Variants in SMIM40 observed in about 807,000 individuals in gnomAD.
The protein encoded by SMIM40 is small integral membrane protein 40.
intron 1 of SMIM40, among the ~76,000 whole-genome samples, chr6:33,328,467 G>C (rs1214838137): frequency 6.6e-6 from 1 of 151,932 alleles, no homozygotes; most frequent in Non-Finnish European, 1.5e-5. Flanking sequence ...TGGGATTACA[G>C]GCATGAGCCA....
chr6:33,324,005 G>A lies in SMIM40; in HGVS notation c.*65C>T, dbSNP rs889800926. On this transcript the variant is annotated 3_prime_UTR_variant, in exon 2 of 3. Transcript: ENST00000494082. ...TTTAGGGAGGCTGGAGGGACTCGTG[G>A]AGGCAAGGCTGGGTCCAGAGGTGAG... 6.6e-6 allele frequency: 1 copy of A among 152,300 alleles called. No individual in the cohort carries two copies. Among genetic ancestry groups the A allele is most frequent in the African/African-American group, 2.4e-5 (1 of 41,460 alleles). The allele number at this position is 152,300 out of a possible 1,614,324, so 9.4% of individuals were successfully genotyped here.
chr6:33,324,147 T>A (rs1770980946), intron 1 of SMIM40, 117 bp from the exon 2 acceptor site: 1 of 152,182 alleles, frequency 6.6e-6, no homozygotes, highest in African/African-American at 2.4e-5. Context: ...TCCCTAACGC[T>A]GAGTCCTAGA....
At chr6:33,328,909 AGAC>A in intron 1 of SMIM40, 75 bp downstream of exon 1, 1 of 375,660 alleles carries the variant, frequency 2.7e-6, no homozygotes, top group Non-Finnish European at 4.7e-6. Flanking sequence ...AAAAAAAAAA[AGAC>A]TGCTGCCCTA....
At position 33,325,739 on chromosome 6, in the gene SMIM40, A is replaced by T. The variant is rs906292051; in HGVS notation, c.*40-1709T>A. ...GGGCGTGGTGGTGGGCGCCTTGTAG[A>T]CCCAGCTACTCCGGAGGCTGAGGCA... On this transcript the variant is annotated intron_variant, in intron 1 of 2. Transcript: ENST00000494082. Among the ~76,000 whole-genome samples the T allele has an allele frequency of 6.9e-5, 10 of 145,450 alleles. No homozygotes were observed. The East Asian group carries it at 1.8e-3, about 26-fold the overall frequency.
intron 1 of SMIM40, among the ~76,000 whole-genome samples, 187 bp from the exon 2 acceptor site, chr6:33,324,217 A>G (rs1308296295): frequency 6.6e-6 from 1 of 152,160 alleles, no homozygotes; most frequent in African/African-American, 2.4e-5. Flanking sequence ...GTCAAAGTCT[A>G]CAGCTTTCAA....
At chr6:33,325,464 G>T (rs911987776) in intron 1 of SMIM40, among the ~76,000 whole-genome samples, 3 of 148,950 alleles carry the variant, frequency 2.0e-5, no homozygotes, top group Non-Finnish European at 4.4e-5. Context: ...CCACCTCAGC[G>T]TCTCAAAGTG....
At chr6:33,327,861 C>CAAA (rs375476107) in intron 1 of SMIM40, among the ~76,000 whole-genome samples, 24,921 of 70,054 alleles carry the variant, frequency 0.36, 4,097 homozygotes, top group African/African-American at 0.4. Flanking sequence ...GACTCTGTCA[C>CAAA]AAAAAAAAAA....
rs1771048352 is a variant in SMIM40 at position 33,324,799 on chromosome 6, C to A, written c.*40-769G>T. 3.6e-5 allele frequency among the ~76,000 whole-genome samples: 5 copies of A among 139,060 alleles called. No homozygotes were observed. The South Asian group carries it at 1.1e-3, about 31-fold the overall frequency. 91.2% of individuals were successfully genotyped at this position (139,060 alleles called of 152,430 possible). Reference sequence around the variant, plus strand: ...ACTCAGGAGGCTGAGGCAGGAGAACCGCTCGAATCCGGGAGGCGGAGGTTG... The same window carrying A: ...ACTCAGGAGGCTGAGGCAGGAGAACAGCTCGAATCCGGGAGGCGGAGGTTG... On this transcript the variant is annotated intron_variant, in intron 1 of 2. Coordinates refer to ENST00000494082, the MANE Select transcript of SMIM40 (RefSeq NM_001369203.1).
At chr6:33,326,163 CTT>C (rs770269427) in intron 1 of SMIM40, among the ~76,000 whole-genome samples, 27 of 135,634 alleles carry the variant, frequency 2.0e-4, no homozygotes, top group African/African-American at 3.2e-4. Context: ...CTAATTTATA[CTT>C]TTTTTTTTTT....
chr6:33,325,495 C>G (rs972219556), intron 1 of SMIM40, among the ~76,000 whole-genome samples: 1 of 149,060 alleles, frequency 6.7e-6, no homozygotes, highest in Admixed American at 6.6e-5. Flanking sequence ...GGGCGTGAAC[C>G]GCCACTCCCA....
At position 33,329,152 on chromosome 6, in the gene SMIM40, G is replaced by C. The variant is rs866743230; in HGVS notation, c.114C>G (p.Phe38Leu). 2 of 398,922 alleles carry C rather than the reference G, an allele frequency of 5.0e-6. No individual in the cohort carries two copies. Among genetic ancestry groups the C allele is most frequent in the Middle Eastern group, 6.3e-4 (1 of 1,588 alleles). The allele number at this position is 398,922 out of a possible 1,614,324, so 24.7% of individuals were successfully genotyped here. Residue 38 changes from phenylalanine to leucine, a missense_variant, in exon 1 of 3, where the codon TTC (phenylalanine) becomes TTG (leucine). Phe to Leu is a conservative substitution (Grantham distance 22). Transcript: ENST00000494082. Reference protein sequence around the residue: ...RRALDKAFFIFLALFLTLLML... With the variant: ...RRALDKAFFILLALFLTLLML... Reference sequence around the variant, plus strand: ...TCAGCAGTGTCAGGAAGAGGGCCAGGAAGATAAAGAAAGCCTTGTCCAAGG... The same window carrying C: ...TCAGCAGTGTCAGGAAGAGGGCCAGCAAGATAAAGAAAGCCTTGTCCAAGG...
chr6:33,326,609 G>C (rs1239631146), intron 1 of SMIM40, among the ~76,000 whole-genome samples: 2 of 148,216 alleles, frequency 1.3e-5, no homozygotes, highest in African/African-American at 2.6e-5. Context: ...CAGATCACTT[G>C]AGGTCAGGAG....
At chr6:33,326,781 G>A (rs530577649) in intron 1 of SMIM40, among the ~76,000 whole-genome samples, 2 of 147,948 alleles carry the variant, frequency 1.4e-5, no homozygotes, top group East Asian at 2.0e-4. Flanking sequence ...CCAAGATCAC[G>A]CCACTGCACT....
chr6:33,328,725 A>G (rs1771366105), intron 1 of SMIM40, among the ~76,000 whole-genome samples: 2 of 151,730 alleles, frequency 1.3e-5, no homozygotes, highest in African/African-American at 4.8e-5. Flanking sequence ...TGTCTCTACT[A>G]AAAATACAAA....
At chr6:33,325,330 C>T (rs1771099039) in intron 1 of SMIM40, among the ~76,000 whole-genome samples, 1 of 138,894 alleles carries the variant, frequency 7.2e-6, no homozygotes, top group African/African-American at 3.0e-5. Flanking sequence ...TCAGCCACTG[C>T]ACTCCAGCCT....
At chr6:33,328,875 A>G in intron 1 of SMIM40, 112 bp downstream of exon 1, 1 of 372,778 alleles carries the variant, frequency 2.7e-6, no homozygotes, top group Non-Finnish European at 4.7e-6. Flanking sequence ...AACAAGAGCA[A>G]AACTCCATCT....
Position 33,329,223 on chromosome 6 carries a change from C to T in SMIM40, c.43G>A (p.Ala15Thr). 1 of 398,706 alleles carries T rather than the reference C, an allele frequency of 2.5e-6. No homozygotes were observed. The highest frequency in any genetic ancestry group is 4.4e-6 in the Non-Finnish European group (1 of 226,156). The allele number at this position is 398,706 out of a possible 1,614,324, so 24.7% of individuals were successfully genotyped here. A position where few individuals can be genotyped will look rare whatever the true frequency, so the allele number is the denominator to read the frequency against. Residue 15 changes from alanine (A) to threonine (T), a missense_variant, in exon 1 of 3, where the codon GCA (alanine) becomes ACA (threonine). By Grantham distance (58) the Ala-to-Thr change is moderately conservative. Coordinates refer to ENST00000494082, the MANE Select transcript of SMIM40 (RefSeq NM_001369203.1). ...GGAGGGGAGGGACCCTGGGCAAATGCCAGGAACACATCCGCCTCGTCCACA... is the reference window on the plus strand; with the variant it reads ...GGAGGGGAGGGACCCTGGGCAAATGTCAGGAACACATCCGCCTCGTCCACA... ...GDVDEADVFL[A>T]FAQGPSPPRG...
intron 1 of SMIM40, among the ~76,000 whole-genome samples, chr6:33,327,351 G>A (rs1178119317): frequency 3.4e-5 from 5 of 146,408 alleles, no homozygotes; most frequent in South Asian, 2.1e-4. Context: ...GAACCCAGGA[G>A]GCGGAGATTT....
At chr6:33,328,611 G>A (rs959950892) in intron 1 of SMIM40, among the ~76,000 whole-genome samples, 8 of 150,480 alleles carry the variant, frequency 5.3e-5, no homozygotes, top group East Asian at 2.0e-4. Flanking sequence ...TGCCCTGGCC[G>A]GGCGCAGTGG....
Sources: gnomAD v4.1 joint callset for allele counts (sites outside exome capture counted in the v4.1 genomes callset) on GRCh38, gnomAD v4.1.1 for gene constraint, MANE v1.5 for transcripts, NCBI Gene and HGNC (gene_info 2026-07-23, HGNC 2026-07-21) for gene names.